Variants in MAFG observed in about 807,000 individuals in gnomAD.
MAFG encodes the protein transcription factor MafG.
MAFG carries 3 observed loss-of-function variants against 12.2 expected under a neutral mutation model. The observed-to-expected ratio is 0.25, with a 90% CI of 0.11 to 0.64. The LOEUF is 0.64. Among genes scored for constraint, MAFG ranks in the 30% least tolerant of loss-of-function variants. The probability of loss-of-function intolerance (pLI) is 0.85; values close to 1 mark genes in which losing one functional copy is unlikely to be tolerated. For synonymous variants in MAFG, 126 were observed against 109.1 expected (o/e 1.15, Z -0.96); for missense variants, 153 against 235.5 (o/e 0.65, Z 2.29).
chr17:81,923,194 G>GA lies in MAFG; in HGVS notation c.-10_-9insT. The stretch of plus-strand genomic sequence containing the variant: ...TTATTGGGGGTCGTCATAACCCGGG[G>GA]GCACAGCGAGCAGGCGCTCTCTGCA... On this transcript the variant is annotated 5_prime_UTR_variant, in exon 2 of 3. Coordinates refer to ENST00000357736, the MANE Select transcript of MAFG (RefSeq NM_002359.4). 1 of 1,599,386 alleles carries GA rather than the reference G, an allele frequency of 6.3e-7. No homozygotes were observed. The highest frequency in any genetic ancestry group is 8.5e-7 in the Non-Finnish European group (1 of 1,172,644).
At position 81,920,578 on chromosome 17, in the gene MAFG, CCTG is replaced by C. The variant is rs1426480463; in HGVS notation, c.*2024_*2026del. ...CCCATCATATGCCTACAAGGAGCCTCCTGAGCCCAGCCAGGAAGGGCAGCAGCC... is the reference window on the plus strand; with the variant it reads ...CCCATCATATGCCTACAAGGAGCCTCAGCCCAGCCAGGAAGGGCAGCAGCC... On this transcript the variant is annotated 3_prime_UTR_variant, in exon 3 of 3. Coordinates refer to ENST00000357736, the MANE Select transcript of MAFG (RefSeq NM_002359.4). The C allele has an allele frequency of 6.6e-6, 1 of 152,220 alleles. No homozygotes were observed. Among genetic ancestry groups the C allele is most frequent in the African/African-American group, 2.4e-5 (1 of 41,448 alleles). 9.4% of individuals were successfully genotyped at this position (152,220 alleles called of 1,614,324 possible).
rs1413238892 is a variant in MAFG at position 81,926,839 on chromosome 17, C to T, written c.-30+689G>A. On this transcript the variant is annotated intron_variant, in intron 1 of 2. Transcript: ENST00000357736. The surrounding 1 kb of genome is among the most constrained non-coding windows in gnomAD (Gnocchi z 4.6). ...TCACTTAAACAGGCACCCCAAGGCG[C>T]CGGGCCTGGCCCCCTCCCACATCCC... Among the ~76,000 whole-genome samples, 1 of 152,224 alleles carries T rather than the reference C, an allele frequency of 6.6e-6. No homozygotes were observed. The highest frequency in any genetic ancestry group is 1.5e-5 in the Non-Finnish European group (1 of 68,030).
rs2040892181 is a variant in MAFG at position 81,921,767 on chromosome 17, T to G, written c.*838A>C. 1 of 152,102 alleles carries G rather than the reference T, an allele frequency of 6.6e-6. No individual in the cohort carries two copies. The highest frequency in any genetic ancestry group is 6.5e-5 in the Admixed American group (1 of 15,282). The allele number at this position is 152,102 out of a possible 1,614,324, so 9.4% of individuals were successfully genotyped here. A position where few individuals can be genotyped will look rare whatever the true frequency, so the allele number is the denominator to read the frequency against. The stretch of plus-strand genomic sequence containing the variant: ...TTTCCATTCATATGGTCAAATGGTC[T>G]TCTTGCTTGTTTTTTTTCTAAAAGA... On this transcript the variant is annotated 3_prime_UTR_variant, in exon 3 of 3. Coordinates refer to ENST00000357736, the MANE Select transcript of MAFG (RefSeq NM_002359.4).
upstream of MAFG, chr17:81,927,796 G>A (rs1244398844): frequency 1.3e-5 from 2 of 152,154 alleles, no homozygotes; most frequent in African/African-American, 4.8e-5. Flanking sequence ...GCGCTTAAAG[G>A]GGAAGGCGCG....
chr17:81,921,867 G>A lies in MAFG; in HGVS notation c.*738C>T, dbSNP rs149940207. ...TAATTAATTTAATAACTTTGTAAAAGGAACTTCTCTCTTTTAAATAAAGGG... is the reference window on the plus strand; with the variant it reads ...TAATTAATTTAATAACTTTGTAAAAAGAACTTCTCTCTTTTAAATAAAGGG... On this transcript the variant is annotated 3_prime_UTR_variant, in exon 3 of 3. Transcript: ENST00000357736. 6.6e-6 allele frequency: 1 copy of A among 151,740 alleles called. No individual in the cohort carries two copies. The highest frequency in any genetic ancestry group is 2.4e-5 in the African/African-American group (1 of 41,248). The allele number at this position is 151,740 out of a possible 1,614,324, so 9.4% of individuals were successfully genotyped here.
chr17:81,923,260 G>GCCCCCCC (rs1418757108), intron 1 of MAFG, 46 bp from the exon 2 acceptor site: 1 of 428,374 alleles, frequency 2.3e-6, no homozygotes, highest in African/African-American at 5.8e-5. Flanking sequence ...CACCCTCGCC[G>GCCCCCCC]CACCCCCCCC....
At position 81,922,675 on chromosome 17, in the gene MAFG, A is replaced by AGGGGCCCCAGGCCGGCGGCAAG; in HGVS notation, c.397_418dup (p.Leu140ProfsTer45). ...GGTGGCGGCCACCTTGCCTGGGACG[A>AGGGGCCCCAGGCCGGCGGCAAG]GGGGCCCCAGGCCGGCGGCAAGGGG... On this transcript the variant is annotated frameshift_variant, in exon 3 of 3. Coordinates refer to ENST00000357736, the MANE Select transcript of MAFG (RefSeq NM_002359.4). LOFTEE classifies it high-confidence loss of function. 1 of 1,506,840 alleles carries AGGGGCCCCAGGCCGGCGGCAAG rather than the reference A, an allele frequency of 6.6e-7. No homozygotes were observed. Among genetic ancestry groups the AGGGGCCCCAGGCCGGCGGCAAG allele is most frequent in the Non-Finnish European group, 8.8e-7 (1 of 1,132,986 alleles). 93.3% of individuals were successfully genotyped at this position (1,506,840 alleles called of 1,614,324 possible).
rs1567916031 is a variant in MAFG at position 81,926,028 on chromosome 17, G to GTGTGTGTGT, written c.-30+1499_-30+1500insACACACACA. Among the ~76,000 whole-genome samples, 3 of 109,696 alleles carry GTGTGTGTGT rather than the reference G, an allele frequency of 2.7e-5. No homozygotes were observed. Among genetic ancestry groups the GTGTGTGTGT allele is most frequent in the African/African-American group, 9.7e-5 (3 of 31,058 alleles). 72.0% of individuals were successfully genotyped at this position (109,696 alleles called of 152,430 possible). ...TGTGTGTGTGTGTGTGTGTGTGTGT[G>GTGTGTGTGT]GCGGGGGGCGGGGGGCATCCCTGAG... On this transcript the variant is annotated intron_variant, in intron 1 of 2. Coordinates refer to ENST00000357736, the MANE Select transcript of MAFG (RefSeq NM_002359.4). The surrounding 1 kb of genome is among the most constrained non-coding windows in gnomAD (Gnocchi z 4.6).
In MAFG at chr17:81,927,673, G is replaced by A. The variant is rs974439936; in HGVS notation, c.-175C>T. On this transcript the variant is annotated 5_prime_UTR_variant, in exon 1 of 3. Transcript: ENST00000357736. ...GCGCGGGCCGGGCCGAGCGCACTGG[G>A]AAGGCCGGGCCGGACCAGGCTCGGG... 1.3e-5 allele frequency: 2 copies of A among 151,056 alleles called. No individual in the cohort carries two copies. The highest frequency in any genetic ancestry group is 4.9e-5 in the African/African-American group (2 of 41,026). 9.4% of individuals were successfully genotyped at this position (151,056 alleles called of 1,614,324 possible).
At chr17:81,928,024 G>C (rs2040957221), upstream of MAFG, 1 of 152,236 alleles carries the variant, frequency 6.6e-6, no homozygotes. This position sits in a 1 kb window ranked among gnomAD's most constrained non-coding sequence, Gnocchi z 8.1. Context: ...GCGGACGCCG[G>C]CGGCGTTTTC....
At chr17:81,925,137 GA>G (rs560841258) in intron 1 of MAFG, among the ~76,000 whole-genome samples, 4 of 152,264 alleles carry the variant, frequency 2.6e-5, no homozygotes, top group Non-Finnish European at 5.9e-5. Flanking sequence ...GGACTGAGGA[GA>G]AGCTGCCCCC....
intron 1 of MAFG, 126 bp downstream of exon 1, chr17:81,927,402 C>A (rs2040950507): frequency 6.6e-6 from 1 of 151,696 alleles, no homozygotes; most frequent in African/African-American, 2.4e-5. Context: ...ACCAGCGGCC[C>A]CCGCCGCCGG....
chr17:81,927,465 G>GGCCCCCGCC (rs1049887191), intron 1 of MAFG, 63 bp downstream of exon 1: 3 of 146,480 alleles, frequency 2.0e-5, no homozygotes, highest in East Asian at 2.0e-4. Flanking sequence ...GCGCCCCCTC[G>GGCCCCCGCC]GCCCCCGCCG....
At chr17:81,929,768 G>A (rs1215666731), upstream of MAFG, 1 of 153,726 alleles carries the variant, frequency 6.5e-6, no homozygotes, top group Non-Finnish European at 1.5e-5. This position sits in a 1 kb window ranked among gnomAD's most constrained non-coding sequence, Gnocchi z 5.7. Context: ...CTGGCTCCCT[G>A]TTTGGACTTC....
intron 1 of MAFG, among the ~76,000 whole-genome samples, chr17:81,925,605 G>C (rs187283772): frequency 2.0e-5 from 3 of 152,058 alleles, no homozygotes; most frequent in Non-Finnish European, 2.9e-5. Context: ...TCAGGAGATC[G>C]AGACCATCCT....
chr17:81,923,262 A>ACCTCCC (rs1567914852), intron 1 of MAFG, 48 bp from the exon 2 acceptor site: 2 of 336,900 alleles, frequency 5.9e-6, no homozygotes, highest in African/African-American at 7.4e-5. Context: ...CCCTCGCCGC[A>ACCTCCC]CCCCCCCCCC....
intron 1 of MAFG, 50 bp from the exon 2 acceptor site, chr17:81,923,264 C>CCA: frequency 5.0e-6 from 3 of 605,738 alleles, no homozygotes; most frequent in African/African-American, 6.6e-5. Flanking sequence ...CTCGCCGCAC[C>CCA]CCCCCCCCCC....
intron 1 of MAFG, 40 bp from the exon 2 acceptor site, chr17:81,923,254 CT>C: frequency 1.9e-6 from 2 of 1,033,656 alleles, no homozygotes; most frequent in South Asian, 2.1e-5. Flanking sequence ...GGAGACCACC[CT>C]CGCCGCACCC....
In MAFG at chr17:81,922,276, C is replaced by T; in HGVS notation, c.*329G>A. 1 of 195,360 alleles carries T rather than the reference C, an allele frequency of 5.1e-6. No homozygotes were observed. The highest frequency in any genetic ancestry group is 1.0e-5 in the Non-Finnish European group (1 of 96,712). 12.1% of individuals were successfully genotyped at this position (195,360 alleles called of 1,614,324 possible). A position where few individuals can be genotyped will look rare whatever the true frequency, so the allele number is the denominator to read the frequency against. On this transcript the variant is annotated 3_prime_UTR_variant, in exon 3 of 3. Coordinates refer to ENST00000357736, the MANE Select transcript of MAFG (RefSeq NM_002359.4). The stretch of plus-strand genomic sequence containing the variant: ...ACACGCGAGGCCCAGCGTGCCTGCT[C>T]CTTCTCTCTCCCGCAACTCTCTCTA...
Sources: allele counts gnomAD v4.1 joint callset (sites outside exome capture counted in the v4.1 genomes callset), GRCh38; gene constraint gnomAD v4.1.1; non-coding constraint Gnocchi (gnomAD v3.1); transcripts MANE v1.5; gene names NCBI Gene and HGNC (gene_info 2026-07-23, HGNC 2026-07-21).